PLEKHM2: variants seen among roughly 807,000 people sequenced by gnomAD.
The protein encoded by PLEKHM2 is pleckstrin homology domain-containing family M member 2.
A neutral mutation model predicts 116.3 loss-of-function variants in PLEKHM2; 77 were observed. The ratio of observed to expected loss-of-function variants is 0.66; its 90% confidence interval spans 0.55 to 0.80. The LOEUF is 0.80. PLEKHM2 is among the 30% of genes least tolerant of loss of function. The pLI, the probability that PLEKHM2 is intolerant of heterozygous loss-of-function variation, is 0.00. For missense variants in PLEKHM2, 1,183 were observed against 1,354.9 expected (o/e 0.87, Z 1.99); for synonymous variants, 562 against 571.0 (o/e 0.98, Z 0.22).
upstream of PLEKHM2, chr1:15,681,711 G>A (rs2148320215): frequency 1.2e-5 from 5 of 412,670 alleles, no homozygotes; most frequent in South Asian, 8.5e-5. Context: ...TAAGTAGGAG[G>A]CTATTTCTAC....
rs2067990554 is a variant in PLEKHM2 at position 15,721,037 on chromosome 1, C to T, written c.653-292C>T. On this transcript the variant is annotated intron_variant, in intron 6 of 19. Transcript: ENST00000375799. This position sits in a 1 kb window ranked among gnomAD's most constrained non-coding sequence, Gnocchi z 5.1. ...GGCACGTAAGAGGTAGAAAACAAAG[C>T]TAGGCACAGGCAGCCAGGCTTCTCT... The T allele has an allele frequency of 5.3e-6, 2 of 374,066 alleles. No homozygotes were observed. The highest frequency in any genetic ancestry group is 9.6e-6 in the Non-Finnish European group (2 of 208,016). The allele number at this position is 374,066 out of a possible 1,614,324, so 23.2% of individuals were successfully genotyped here. A position where few individuals can be genotyped will look rare whatever the true frequency, so the allele number is the denominator to read the frequency against.
intron 19 of PLEKHM2, 94 bp downstream of exon 19, chr1:15,732,822 G>A: frequency 1.2e-6 from 1 of 853,170 alleles, no homozygotes. Flanking sequence ...CCAGGACTTG[G>A]CCCTGCCTCC....
intron 1 of PLEKHM2, among the ~76,000 whole-genome samples, chr1:15,708,374 G>A (rs374178350): frequency 2.0e-5 from 3 of 150,956 alleles, no homozygotes; most frequent in East Asian, 2.0e-4. Flanking sequence ...ACACCACCAC[G>A]CCCGGCTAAT....
chr1:15,725,018 G>A (rs2068043591), intron 7 of PLEKHM2, among the ~76,000 whole-genome samples: 1 of 152,216 alleles, frequency 6.6e-6, no homozygotes, highest in African/African-American at 2.4e-5. Flanking sequence ...ACTTAAGCCT[G>A]GAGCTTGAGC....
At chr1:15,698,124 A>C (rs1641035973) in intron 1 of PLEKHM2, among the ~76,000 whole-genome samples, 1 of 152,208 alleles carries the variant, frequency 6.6e-6, no homozygotes, top group Admixed American at 6.5e-5. Flanking sequence ...CAGTCTGGGC[A>C]CACGCCCTTC....
In PLEKHM2 at chr1:15,718,614, G is replaced by A. The variant is rs1287392800; in HGVS notation, c.454G>A (p.Glu152Lys). ...GTCCGGGCTAGAGTTCATTCGTTTCGAGCTGGATCTGGTGAGACACCAGGG... is the reference window on the plus strand; with the variant it reads ...GTCCGGGCTAGAGTTCATTCGTTTCAAGCTGGATCTGGTGAGACACCAGGG... ...LVSGLEFIRF[E>K]LDLDAPYLDL... The change falls in exon 5 of 20, where the codon GAG (glutamate) becomes AAG (lysine). Residue 152 changes from glutamate to lysine, a missense_variant. By Grantham distance (56) the Glu-to-Lys change is moderately conservative. Coordinates refer to ENST00000375799, the MANE Select transcript of PLEKHM2 (RefSeq NM_015164.4). 10 of 1,549,518 alleles carry A rather than the reference G, an allele frequency of 6.5e-6. No homozygotes were observed. Among genetic ancestry groups the A allele is most frequent in the South Asian group, 3.5e-5 (3 of 85,170 alleles).
chr1:15,717,998 T>C lies in PLEKHM2; in HGVS notation c.377+6T>C, dbSNP rs1297469581. ...CTGCATAAGTACTACGTCAAGTGAGTGTCTGGGACGGTCTGTCTCCCCTAG... is the reference window on the plus strand; with the variant it reads ...CTGCATAAGTACTACGTCAAGTGAGCGTCTGGGACGGTCTGTCTCCCCTAG... On this transcript the variant is annotated splice_donor_region_variant and intron_variant, in intron 4 of 19. Coordinates refer to ENST00000375799, the MANE Select transcript of PLEKHM2 (RefSeq NM_015164.4). The C allele has an allele frequency of 1.3e-6, 2 of 1,559,756 alleles. No individual in the cohort carries two copies. Among genetic ancestry groups the C allele is most frequent in the Non-Finnish European group, 1.7e-6 (2 of 1,144,148 alleles).
chr1:15,716,158 G>C, intron 1 of PLEKHM2, 79 bp from the exon 2 acceptor site: 6 of 884,938 alleles, frequency 6.8e-6, no homozygotes, highest in Non-Finnish European at 1.1e-5. Flanking sequence ...ATTTTTTTTA[G>C]CTACCTTCTT....
intron 7 of PLEKHM2, among the ~76,000 whole-genome samples, chr1:15,724,351 C>T (rs545870575): frequency 9.2e-5 from 14 of 152,244 alleles, no homozygotes; most frequent in Non-Finnish European, 1.3e-4. Flanking sequence ...GGCATGGTGG[C>T]GCATGCCTGT....
chr1:15,691,330 C>T (rs914720941), intron 1 of PLEKHM2, among the ~76,000 whole-genome samples: 1 of 152,148 alleles, frequency 6.6e-6, no homozygotes, highest in Non-Finnish European at 1.5e-5. Flanking sequence ...CCTCGGCCTG[C>T]ATAAGTGCTA....
upstream of PLEKHM2, chr1:15,682,854 TA>T (rs1267272118): frequency 6.6e-6 from 1 of 151,856 alleles, no homozygotes; most frequent in Non-Finnish European, 1.5e-5. Context: ...TGTCTGAGAA[TA>T]AAAAGGAGGG....
At chr1:15,698,908 G>A (rs1461760983) in intron 1 of PLEKHM2, among the ~76,000 whole-genome samples, 1 of 152,066 alleles carries the variant, frequency 6.6e-6, no homozygotes, top group Non-Finnish European at 1.5e-5. Flanking sequence ...TCTCTGATTG[G>A]TTCTTATGCG....
intron 1 of PLEKHM2, among the ~76,000 whole-genome samples, chr1:15,692,351 G>A (rs1436477899): frequency 6.6e-6 from 1 of 152,070 alleles, no homozygotes; most frequent in Admixed American, 6.6e-5. Context: ...AAGTGTTAAG[G>A]GTCAGTGTGC....
chr1:15,728,407 C>T lies in PLEKHM2; in HGVS notation c.1921+50C>T, dbSNP rs756528911. On this transcript the variant is annotated intron_variant, in intron 11 of 19. Transcript: ENST00000375799. This position sits in a 1 kb window ranked among gnomAD's most constrained non-coding sequence, Gnocchi z 5.9. ...GCGGGTTGTAGACGAGGCTGACTCT[C>T]AGCCCCTTTTCCCCAGTCCCCTTGC... is the stretch of plus-strand genomic sequence containing the variant. 3.9e-6 allele frequency: 6 copies of T among 1,523,138 alleles called. No individual in the cohort carries two copies. In the South Asian group the frequency reaches 4.7e-5, roughly 12 times the overall value. 94.4% of individuals were successfully genotyped at this position (1,523,138 alleles called of 1,614,324 possible).
At chr1:15,700,861 C>A (rs1025130344) in intron 1 of PLEKHM2, among the ~76,000 whole-genome samples, 2 of 151,998 alleles carry the variant, frequency 1.3e-5, no homozygotes, top group Non-Finnish European at 2.9e-5. Context: ...CGCCTGTAAC[C>A]CCAGCACTTT....
At chr1:15,725,610 C>A in intron 8 of PLEKHM2, 65 bp downstream of exon 8, 2 of 1,194,662 alleles carry the variant, frequency 1.7e-6, no homozygotes, top group Non-Finnish European at 2.4e-6. Flanking sequence ...CTCCCAGCAT[C>A]AGCTGTTCAT....
chr1:15,712,655 T>TA (rs1349038187), intron 1 of PLEKHM2, among the ~76,000 whole-genome samples: 2 of 151,808 alleles, frequency 1.3e-5, no homozygotes, highest in African/African-American at 4.8e-5. Context: ...TTCCTTTTTT[T>TA]TTTTTTTTTT....
Position 15,728,954 on chromosome 1 carries a change from A to T in PLEKHM2, c.1987-148A>T. On this transcript the variant is annotated intron_variant, in intron 12 of 19. Transcript: ENST00000375799. This position sits in a 1 kb window ranked among gnomAD's most constrained non-coding sequence, Gnocchi z 5.9. ...ACTTCTGACCGTCCCTCCCTCACTCATGCCAGCCCCTGGCCTCTGGGGCTT... is the reference window on the plus strand; with the variant it reads ...ACTTCTGACCGTCCCTCCCTCACTCTTGCCAGCCCCTGGCCTCTGGGGCTT... 1.2e-6 allele frequency: 1 copy of T among 808,492 alleles called. No homozygotes were observed. The highest frequency in any genetic ancestry group is 2.2e-5 in the Admixed American group (1 of 45,078). 50.1% of individuals were successfully genotyped at this position (808,492 alleles called of 1,614,324 possible).
intron 1 of PLEKHM2, among the ~76,000 whole-genome samples, chr1:15,710,227 C>CAA (rs377012331): frequency 6.7e-5 from 5 of 74,152 alleles, no homozygotes; most frequent in African/African-American, 8.2e-5. Context: ...ACTCCATCTC[C>CAA]AAAAAAAAAA....
Sources: allele counts gnomAD v4.1 joint callset (sites outside exome capture counted in the v4.1 genomes callset), GRCh38; gene constraint gnomAD v4.1.1; non-coding constraint Gnocchi (gnomAD v3.1); transcripts MANE v1.5; gene names NCBI Gene and HGNC (gene_info 2026-07-23, HGNC 2026-07-21).